CLIC5: variants seen among roughly 807,000 people sequenced by gnomAD.
CLIC5 encodes the protein chloride intracellular channel protein 5.
Under a neutral mutation model 24.7 loss-of-function variants are expected in CLIC5, and 20 were observed. The observed-to-expected ratio is 0.81, with a 90% CI of 0.57 to 1.18. The LOEUF is 1.18. Among genes scored for constraint, CLIC5 ranks in the 50% most tolerant of loss-of-function variants. The probability of loss-of-function intolerance (pLI) is 0.00; values close to 1 mark genes in which losing one functional copy is unlikely to be tolerated. For synonymous variants in CLIC5, 159 were observed against 135.6 expected (o/e 1.17, Z -1.20); for missense variants, 341 against 326.1 (o/e 1.05, Z -0.35).
intron 1 of CLIC5, among the ~76,000 whole-genome samples, chr6:46,000,759 C>T (rs1157317913): frequency 1.3e-5 from 2 of 152,252 alleles, no homozygotes; most frequent in East Asian, 1.9e-4. Context: ...ACGAGAACAG[C>T]ATGGGGGAAA....
At chr6:46,052,623 G>T (rs1768135716) in intron 1 of CLIC5, among the ~76,000 whole-genome samples, 2 of 152,192 alleles carry the variant, frequency 1.3e-5, no homozygotes, top group South Asian at 2.1e-4. Flanking sequence ...CCCACAGTGG[G>T]TGGGAGGTAT....
the CLIC5 span, among the ~76,000 whole-genome samples, chr6:46,118,914 G>A: frequency 1.3e-5 from 2 of 152,168 alleles, no homozygotes; most frequent in Admixed American, 6.5e-5. Flanking sequence ...GCATCATCTA[G>A]GTAGGCCCAA....
At position 45,901,581 on chromosome 6, in the gene CLIC5, T is replaced by C. The variant is rs1762512598; in HGVS notation, c.*1507A>G. Reference sequence around the variant, plus strand: ...CCAGCGAACACTATAGAAGGGGGATTGTTGAAGGTAAGGGCCTGTGGCAAA... The same window carrying C: ...CCAGCGAACACTATAGAAGGGGGATCGTTGAAGGTAAGGGCCTGTGGCAAA... On this transcript the variant is annotated 3_prime_UTR_variant, in exon 6 of 6. Coordinates refer to ENST00000339561, the MANE Select transcript of CLIC5 (RefSeq NM_016929.5). The C allele has an allele frequency of 1.3e-5, 2 of 152,062 alleles. No homozygotes were observed. Among genetic ancestry groups the C allele is most frequent in the Admixed American group, 6.6e-5 (1 of 15,266 alleles). The allele number at this position is 152,062 out of a possible 1,614,324, so 9.4% of individuals were successfully genotyped here.
At chr6:46,108,395 T>A in the CLIC5 span, among the ~76,000 whole-genome samples, 1,909 of 147,730 alleles carry the variant, frequency 0.013, 17 homozygotes, top group South Asian at 0.021. Context: ...TGTGTGTGTG[T>A]GTGTGTGAGA....
At chr6:46,024,911 G>A (rs2127452219) in intron 1 of CLIC5, among the ~76,000 whole-genome samples, 1 of 152,240 alleles carries the variant, frequency 6.6e-6, no homozygotes, top group East Asian at 1.9e-4. Flanking sequence ...CCTAAGCTAA[G>A]ATACAAAAGT....
intron 1 of CLIC5, among the ~76,000 whole-genome samples, chr6:45,961,808 C>T (rs528475702): frequency 1.1e-4 from 17 of 152,204 alleles, no homozygotes; most frequent in Non-Finnish European, 2.5e-4. Flanking sequence ...CCACAAAAGG[C>T]CTAATTCACT....
intron 4 of CLIC5, chr6:45,934,121 C>T (rs569661248): frequency 4.6e-5 from 7 of 152,306 alleles, no homozygotes; most frequent in African/African-American, 1.7e-4. Context: ...TGACCAGGGG[C>T]CCTGTTTTGC....
intron 1 of CLIC5, among the ~76,000 whole-genome samples, chr6:46,025,422 G>C (rs759455720): frequency 1.3e-5 from 2 of 152,174 alleles, no homozygotes; most frequent in Non-Finnish European, 2.9e-5. Context: ...AGATGAAGAA[G>C]CTGATATATA....
At chr6:46,127,022 C>A in the CLIC5 span, among the ~76,000 whole-genome samples, 1 of 152,320 alleles carries the variant, frequency 6.6e-6, no homozygotes, top group African/African-American at 2.4e-5. Context: ...GAAAAAGAAA[C>A]TGCCTTTGAC....
At chr6:45,978,126 A>T (rs187939014) in intron 1 of CLIC5, among the ~76,000 whole-genome samples, 93 of 152,354 alleles carry the variant, frequency 6.1e-4, no homozygotes, top group African/African-American at 2.1e-3. Flanking sequence ...TGTGGTACTT[A>T]AAAAGTTGTG....
At chr6:46,110,267 C>G in the CLIC5 span, among the ~76,000 whole-genome samples, 1 of 152,178 alleles carries the variant, frequency 6.6e-6, no homozygotes, top group Admixed American at 6.5e-5. Context: ...GAGCTCAGGG[C>G]CTTCGTAGCC....
chr6:46,063,929 A>T (rs1762363986), intron 1 of CLIC5, among the ~76,000 whole-genome samples: 1 of 152,228 alleles, frequency 6.6e-6, no homozygotes, highest in African/African-American at 2.4e-5. Context: ...GACACTTTTT[A>T]AAGGAACACA....
chr6:45,980,112 G>T (rs1307566945), intron 1 of CLIC5, among the ~76,000 whole-genome samples: 7 of 152,062 alleles, frequency 4.6e-5, no homozygotes, highest in Non-Finnish European at 8.8e-5. Flanking sequence ...TCAATCTTCT[G>T]CATATGGCCA....
chr6:45,913,955 C>A, intron 5 of CLIC5: 3 of 534,476 alleles, frequency 5.6e-6, no homozygotes, highest in East Asian at 3.5e-5. Context: ...ACATATTAAG[C>A]CCCCACAATA....
intron 5 of CLIC5, among the ~76,000 whole-genome samples, chr6:45,904,928 C>T (rs867765935): frequency 3.3e-5 from 5 of 151,874 alleles, no homozygotes; most frequent in African/African-American, 4.8e-5. Flanking sequence ...TCTTTATGTC[C>T]GTGAGTACCT....
At chr6:45,996,713 C>A (rs1766155089) in intron 1 of CLIC5, among the ~76,000 whole-genome samples, 1 of 152,012 alleles carries the variant, frequency 6.6e-6, no homozygotes, top group South Asian at 2.1e-4. Flanking sequence ...AGACACTTCT[C>A]AAAAGAAGAC....
chr6:45,983,727 C>T (rs751792398), intron 1 of CLIC5, among the ~76,000 whole-genome samples: 1 of 152,154 alleles, frequency 6.6e-6, no homozygotes, highest in African/African-American at 2.4e-5. Flanking sequence ...ATTCAATCAC[C>T]AAATATTTCC....
rs556121849 is a variant in CLIC5 at position 45,982,959 on chromosome 6, G to A, written c.64-27715C>T. On this transcript the variant is annotated intron_variant, in intron 1 of 5. Transcript: ENST00000339561. ...AAATCTAGAAATGGAATAAGCCTTG[G>A]TAAAAGGTGAGAAACGATTCAAGCA... Among the ~76,000 whole-genome samples, 3 of 152,192 alleles carry A rather than the reference G, an allele frequency of 2.0e-5. No homozygotes were observed. In the South Asian group the frequency reaches 6.2e-4, roughly 32 times the overall value.
At chr6:45,981,562 A>G (rs56968247) in intron 1 of CLIC5, among the ~76,000 whole-genome samples, 41,049 of 152,170 alleles carry the variant, frequency 0.27, 6,660 homozygotes, top group Middle Eastern at 0.43. Context: ...TTGATACTCA[A>G]TGAGATACAA....
Sources: allele counts gnomAD v4.1 joint callset (sites outside exome capture counted in the v4.1 genomes callset), GRCh38; gene constraint gnomAD v4.1.1; transcripts MANE v1.5; gene names NCBI Gene and HGNC (gene_info 2026-07-23, HGNC 2026-07-21).